The following MLYCD variants were observed in gnomAD, a reference collection of about 807,000 sequenced individuals.
MLYCD encodes the protein malonyl-CoA decarboxylase, mitochondrial.
A neutral mutation model predicts 35.8 loss-of-function variants in MLYCD; 27 were observed. The ratio of observed to expected loss-of-function variants is 0.75; its 90% CI spans 0.56 to 1.04. The LOEUF (loss-of-function observed/expected upper bound fraction) is 1.04, where lower values mean the gene tolerates loss of function less well. Among genes scored for constraint, MLYCD ranks in the 50% least tolerant of loss-of-function variants. The probability of loss-of-function intolerance (pLI) is 0.00; values close to 1 mark genes in which losing one functional copy is unlikely to be tolerated. For synonymous variants in MLYCD, 403 were observed against 302.4 expected (o/e 1.33, Z -3.45); for missense variants, 917 against 665.1 (o/e 1.38, Z -4.17).
rs933730950 is a variant in MLYCD, at chr16:83,925,672, G to C, written c.*10183G>C. 6.6e-6 allele frequency: 1 copy of C among 152,342 alleles called. No homozygotes were observed. Among genetic ancestry groups the C allele is most frequent in the Admixed American group, 6.6e-5 (1 of 15,250 alleles). The allele number at this position is 152,342 out of a possible 1,614,324, so 9.4% of individuals were successfully genotyped here. A position where few individuals can be genotyped will look rare whatever the true frequency, so the allele number is the denominator to read the frequency against. Reference sequence around the variant, plus strand: ...CTGACCCTCCCCTCTGCTTTTCCAGGCCCTCCTGGCACTGTCCTCCCTCAG... The same window carrying C: ...CTGACCCTCCCCTCTGCTTTTCCAGCCCCTCCTGGCACTGTCCTCCCTCAG... On this transcript the variant is annotated 3_prime_UTR_variant, in exon 5 of 5. Coordinates refer to ENST00000262430, the MANE Select transcript of MLYCD (RefSeq NM_012213.3).
intron 4 of MLYCD, chr16:83,913,000 C>T (rs990217393): frequency 6.1e-6 from 1 of 164,088 alleles, no homozygotes; most frequent in African/African-American, 2.4e-5. Flanking sequence ...CCAGCCTCAT[C>T]AGGGACTTGG....
intron 3 of MLYCD, among the ~76,000 whole-genome samples, chr16:83,909,154 C>T (rs920389481): frequency 1.3e-5 from 2 of 152,136 alleles, no homozygotes; most frequent in African/African-American, 4.8e-5. Context: ...AGGGGCCATT[C>T]TGACTTCTCT....
rs938617354 is a variant in MLYCD at position 83,899,157 on chromosome 16, G to GGGCCAGGCTTGAC, written c.22_34dup (p.Arg12LeufsTer200). On this transcript the variant is annotated frameshift_variant, in exon 1 of 5. Coordinates refer to ENST00000262430, the MANE Select transcript of MLYCD (RefSeq NM_012213.3). LOFTEE classifies it high-confidence loss of function. Reference sequence around the variant, plus strand: ...GTTGTGGGGCACCATGCGAGGCTTCGGGCCAGGCTTGACGGCCAGGCGTCT... The same window carrying GGGCCAGGCTTGAC: ...GTTGTGGGGCACCATGCGAGGCTTCGGGCCAGGCTTGACGGCCAGGCTTGACGGCCAGGCGTCT... 10 of 1,148,992 alleles carry GGGCCAGGCTTGAC rather than the reference G, an allele frequency of 8.7e-6. No individual in the cohort carries two copies. The African/African-American group carries it at 1.5e-4, about 17-fold the overall frequency. 71.2% of individuals were successfully genotyped at this position (1,148,992 alleles called of 1,614,324 possible). A position where few individuals can be genotyped will look rare whatever the true frequency, so the allele number is the denominator to read the frequency against.
chr16:83,905,950 G>C (rs1906958859), intron 1 of MLYCD, among the ~76,000 whole-genome samples: 1 of 152,212 alleles, frequency 6.6e-6, no homozygotes, highest in Admixed American at 6.5e-5. Context: ...TGTATCTTGG[G>C]TGGTCAAGTC....
At chr16:83,912,480 G>C in intron 4 of MLYCD, 113 bp downstream of exon 4, 1 of 1,427,366 alleles carries the variant, frequency 7.0e-7, no homozygotes, top group Non-Finnish European at 9.7e-7. Context: ...GGAGCTAAAG[G>C]GAGGGGCAGG....
rs149095204 is a variant in MLYCD at position 83,919,797 on chromosome 16, C to T, written c.*4308C>T. On this transcript the variant is annotated 3_prime_UTR_variant, in exon 5 of 5. Transcript: ENST00000262430. ...GGTGCACAGGAGAACACACGGTGTA[C>T]AGAACACACGGTGCACAGGAGAACA... The T allele has an allele frequency of 1.6e-3, 235 of 150,650 alleles. 2 individuals are homozygous for T. The highest frequency in any genetic ancestry group is 3.6e-3 in the Admixed American group (54 of 15,144). The allele number at this position is 150,650 out of a possible 1,614,324, so 9.3% of individuals were successfully genotyped here. A position where few individuals can be genotyped will look rare whatever the true frequency, so the allele number is the denominator to read the frequency against.
At chr16:83,908,454 C>T (rs139299969) in intron 3 of MLYCD, among the ~76,000 whole-genome samples, 172 bp downstream of exon 3, 2 of 150,834 alleles carry the variant, frequency 1.3e-5, no homozygotes, top group African/African-American at 2.4e-5. Context: ...AGGTGTAGAG[C>T]GTAGAAGTGT....
At position 83,899,635 on chromosome 16, in the gene MLYCD, C is replaced by G. The variant is rs1044258796; in HGVS notation, c.491C>G (p.Ala164Gly). 1.3e-6 allele frequency: 2 copies of G among 1,556,516 alleles called. No individual in the cohort carries two copies. Among genetic ancestry groups the G allele is most frequent in the Non-Finnish European group, 1.7e-6 (2 of 1,159,984 alleles). Reference protein sequence around the residue: ...LVQLRADLLEAQALKLVEGPD... With the variant: ...LVQLRADLLEGQALKLVEGPD... ...CAGCTGCGGGCCGACCTGCTGGAGG[C>G]GCAGGCCCTCAAGCTGGTGGAGGGG... Residue 164 changes from alanine to glycine, a missense_variant, in exon 1 of 5, where the codon GCG (alanine) becomes GGG (glycine). Ala to Gly is a moderately conservative substitution (Grantham distance 60). Coordinates refer to ENST00000262430, the MANE Select transcript of MLYCD (RefSeq NM_012213.3).
chr16:83,905,875 C>G (rs924367470), intron 1 of MLYCD, among the ~76,000 whole-genome samples: 2 of 152,150 alleles, frequency 1.3e-5, no homozygotes, highest in African/African-American at 4.8e-5. Context: ...CAGGCAGCAC[C>G]GAGGCGACGC....
At chr16:83,910,484 G>A (rs1383029909) in intron 3 of MLYCD, among the ~76,000 whole-genome samples, 1 of 152,066 alleles carries the variant, frequency 6.6e-6, no homozygotes, top group Non-Finnish European at 1.5e-5. Flanking sequence ...GAGGTCAGGA[G>A]TTCCAGACCA....
In MLYCD at chr16:83,912,422, G is replaced by A. The variant is rs1054481338; in HGVS notation, c.948+55G>A. The A allele has an allele frequency of 1.9e-5, 30 of 1,610,604 alleles. No homozygotes were observed. The Admixed American group carries it at 4.7e-4, about 25-fold the overall frequency. On this transcript the variant is annotated intron_variant, in intron 4 of 4. Coordinates refer to ENST00000262430, the MANE Select transcript of MLYCD (RefSeq NM_012213.3). ...GCTTGGCTTCCGTGTGGTCAGGTCA[G>A]CGAACCTCGTGGGGTGTCAGGTGCC... is the stretch of plus-strand genomic sequence containing the variant.
In MLYCD at chr16:83,915,549, GC is replaced by G; in HGVS notation, c.*62del. ...AAGAAAACGATCATTTTCAGGAGGG[GC>G]CGGGAGTTATGTATCTGAAGCAGCT... On this transcript the variant is annotated 3_prime_UTR_variant, in exon 5 of 5. Coordinates refer to ENST00000262430, the MANE Select transcript of MLYCD (RefSeq NM_012213.3). 1.3e-6 allele frequency: 2 copies of G among 1,587,788 alleles called. No homozygotes were observed. The highest frequency in any genetic ancestry group is 1.7e-6 in the Non-Finnish European group (2 of 1,174,716).
In MLYCD at chr16:83,923,264, T is replaced by TTAC. The variant is rs1907709252; in HGVS notation, c.*7777_*7778insCTA. 6.6e-6 allele frequency: 1 copy of TTAC among 152,248 alleles called. No individual in the cohort carries two copies. The highest frequency in any genetic ancestry group is 1.5e-5 in the Non-Finnish European group (1 of 68,046). The allele number at this position is 152,248 out of a possible 1,614,324, so 9.4% of individuals were successfully genotyped here. On this transcript the variant is annotated 3_prime_UTR_variant, in exon 5 of 5. Coordinates refer to ENST00000262430, the MANE Select transcript of MLYCD (RefSeq NM_012213.3). The stretch of plus-strand genomic sequence containing the variant: ...TGCTTATTCTGAGCTCTGTTTGAAA[T>TTAC]TAAACATGAGGTGTACTAAAGATTT...
At chr16:83,901,864 G>T (rs1270956675) in intron 1 of MLYCD, among the ~76,000 whole-genome samples, 1 of 152,148 alleles carries the variant, frequency 6.6e-6, no homozygotes, top group Non-Finnish European at 1.5e-5. Flanking sequence ...TGTAATGCTA[G>T]GCCAAAAGTC....
rs569023510 is a variant in MLYCD, at chr16:83,922,666, G to A, written c.*7177G>A. 1.3e-5 allele frequency: 2 copies of A among 152,380 alleles called. No homozygotes were observed. The highest frequency in any genetic ancestry group is 2.1e-4 in the South Asian group (1 of 4,826). The allele number at this position is 152,380 out of a possible 1,614,324, so 9.4% of individuals were successfully genotyped here. On this transcript the variant is annotated 3_prime_UTR_variant, in exon 5 of 5. Transcript: ENST00000262430. Reference sequence around the variant, plus strand: ...GCCTGCTGAGAGGCTCAAAGGAGACGATGTATATAAAGCAGTTAACTGATG... The same window carrying A: ...GCCTGCTGAGAGGCTCAAAGGAGACAATGTATATAAAGCAGTTAACTGATG...
Position 83,915,077 on chromosome 16 carries a change from A to T in MLYCD, c.1070A>T (p.Asp357Val). The change falls in exon 5 of 5, where the codon GAT becomes GTT. Residue 357 changes from aspartate to valine, a missense_variant. Coordinates refer to ENST00000262430, the MANE Select transcript of MLYCD (RefSeq NM_012213.3). ...KEHGRNELFT[D>V]SECKEISEIT... ...CATGGGAGGAATGAACTCTTTACAG[A>T]TTCGGAATGTAAGGAAATCTCGGAG... 6.2e-7 allele frequency: 1 copy of T among 1,614,244 alleles called. No homozygotes were observed. The highest frequency in any genetic ancestry group is 1.1e-5 in the South Asian group (1 of 91,088).
chr16:83,905,370 C>T (rs939681277), intron 1 of MLYCD, among the ~76,000 whole-genome samples: 27 of 152,230 alleles, frequency 1.8e-4, no homozygotes, highest in African/African-American at 6.5e-4. Context: ...TAATAATGTT[C>T]AGTGGATCTG....
intron 1 of MLYCD, 31 bp from the exon 2 acceptor site, chr16:83,906,956 G>A (rs1906998806): frequency 3.8e-6 from 6 of 1,581,608 alleles, no homozygotes; most frequent in Non-Finnish European, 5.2e-6. Context: ...GTCGCACATT[G>A]GAGGCCTGGG....
At position 83,915,014 on chromosome 16, in the gene MLYCD, A is replaced by G. The variant is rs76841036; in HGVS notation, c.1007A>G (p.Lys336Arg). 1.2e-4 allele frequency: 201 copies of G among 1,614,244 alleles called. No individual in the cohort carries two copies. The African/African-American group carries it at 2.4e-3, about 19-fold the overall frequency. The change falls in exon 5 of 5, where the codon AAA (lysine) becomes AGA (arginine). Residue 336 changes from lysine to arginine, a missense_variant. Coordinates refer to ENST00000262430, the MANE Select transcript of MLYCD (RefSeq NM_012213.3). The part of the protein sequence containing the change: ...SSLSPIPGFT[K>R]WLLGLLNSQT... The stretch of plus-strand genomic sequence containing the variant: ...CTGTCACCTATACCTGGTTTCACCA[A>G]ATGGCTTCTGGGGCTTCTGAACTCG...
Sources: gnomAD v4.1 joint callset for allele counts (sites outside exome capture counted in the v4.1 genomes callset) on GRCh38, gnomAD v4.1.1 for gene constraint, MANE v1.5 for transcripts, NCBI Gene and HGNC (gene_info 2026-07-23, HGNC 2026-07-21) for gene names.